FNDC3B: variants seen among roughly 807,000 people sequenced by gnomAD.
The protein encoded by FNDC3B is fibronectin type III domain-containing protein 3B.
FNDC3B carries 12 observed loss-of-function variants against 151.5 expected under a neutral mutation model. That is an observed-to-expected ratio of 0.08 (90% CI 0.05 to 0.13). The LOEUF (loss-of-function observed/expected upper bound fraction) is 0.13. Ranked by LOEUF, FNDC3B falls within the 10% of genes least tolerant of loss-of-function variation. The pLI is 1.00. For synonymous variants in FNDC3B, 528 were observed against 549.0 expected (o/e 0.96, Z 0.54); for missense variants, 1,214 against 1,505.3 (o/e 0.81, Z 3.20).
chr3:172,276,637 A>G (rs1431634713), intron 6 of FNDC3B, among the ~76,000 whole-genome samples: 1 of 152,238 alleles, frequency 6.6e-6, no homozygotes, highest in Non-Finnish European at 1.5e-5. Context: ...CAAGTGACCA[A>G]ACTGAGCATC....
Position 172,308,887 on chromosome 3 carries a change from A to G in FNDC3B, c.1200+1386A>G, listed in dbSNP as rs75393195. Among the ~76,000 whole-genome samples the G allele has an allele frequency of 2.5e-3, 382 of 152,310 alleles. 9 individuals are homozygous for G. In the East Asian group the frequency reaches 0.058, roughly 23 times the overall value. On this transcript the variant is annotated intron_variant, in intron 10 of 25. Transcript: ENST00000415807. ...AATATATCTTTGTAAGGAAAGAATTAAAATCCATTTTGTTTGGAAAATATA... is the reference window on the plus strand; with the variant it reads ...AATATATCTTTGTAAGGAAAGAATTGAAATCCATTTTGTTTGGAAAATATA...
At chr3:172,310,757 A>T in intron 10 of FNDC3B, 71 bp from the exon 11 acceptor site, 1 of 1,088,954 alleles carries the variant, frequency 9.2e-7, no homozygotes, top group Non-Finnish European at 1.4e-6. Flanking sequence ...ACTGTATGTG[A>T]GCCAGGTGGG....
intron 16 of FNDC3B, among the ~76,000 whole-genome samples, chr3:172,339,574 C>T (rs1426927547): frequency 6.6e-6 from 1 of 151,980 alleles, no homozygotes; most frequent in Non-Finnish European, 1.5e-5. Context: ...GAAGAAAAAA[C>T]AAAAAACAAA....
At chr3:172,368,039 G>C (rs1463445741) in intron 23 of FNDC3B, among the ~76,000 whole-genome samples, 1 of 152,116 alleles carries the variant, frequency 6.6e-6, no homozygotes, top group African/African-American at 2.4e-5. Context: ...AACCCTGAAA[G>C]AATACACACT....
chr3:172,086,130 G>T (rs1022317628), intron 1 of FNDC3B, among the ~76,000 whole-genome samples: 1 of 152,170 alleles, frequency 6.6e-6, no homozygotes, highest in Non-Finnish European at 1.5e-5. Context: ...GGAGACTGAG[G>T]TAGGAGGATC....
intron 6 of FNDC3B, among the ~76,000 whole-genome samples, chr3:172,261,509 G>A (rs1490910675): frequency 6.6e-6 from 1 of 152,170 alleles, no homozygotes; most frequent in Non-Finnish European, 1.5e-5. Flanking sequence ...TTCTGCCATG[G>A]TCAGCTGTGG....
chr3:172,188,349 G>A (rs891981431), intron 3 of FNDC3B, among the ~76,000 whole-genome samples: 3 of 151,932 alleles, frequency 2.0e-5, no homozygotes, highest in Non-Finnish European at 4.4e-5. Flanking sequence ...TTAGAGTGGT[G>A]GAACTGAAGT....
intron 3 of FNDC3B, among the ~76,000 whole-genome samples, chr3:172,156,102 T>C (rs1248375850): frequency 6.6e-6 from 1 of 152,222 alleles, no homozygotes; most frequent in Non-Finnish European, 1.5e-5. Flanking sequence ...TTTTGTGTGA[T>C]GGTAATGAGA....
chr3:172,269,708 A>G (rs1457086048), intron 6 of FNDC3B, among the ~76,000 whole-genome samples: 2 of 152,138 alleles, frequency 1.3e-5, no homozygotes, highest in Non-Finnish European at 2.9e-5. Flanking sequence ...GCAGTGGCAC[A>G]GTCTCGACTC....
At chr3:172,350,993 A>G (rs1733825007) in intron 21 of FNDC3B, among the ~76,000 whole-genome samples, 1 of 152,246 alleles carries the variant, frequency 6.6e-6, no homozygotes, top group Non-Finnish European at 1.5e-5. Flanking sequence ...TTTGTAAGAA[A>G]GAAAATCTTT....
intron 4 of FNDC3B, among the ~76,000 whole-genome samples, chr3:172,229,128 C>CACACAT (rs1156359959): frequency 6.3e-4 from 64 of 102,166 alleles, no homozygotes; most frequent in African/African-American, 1.9e-3. Flanking sequence ...CACACACACA[C>CACACAT]ACACACACAA....
chr3:172,107,498 C>G (rs1198193797), intron 1 of FNDC3B, among the ~76,000 whole-genome samples: 1 of 152,008 alleles, frequency 6.6e-6, no homozygotes, highest in Non-Finnish European at 1.5e-5. Context: ...TGTGGTACAG[C>G]CTTGACCAAA....
intron 10 of FNDC3B, 43 bp from the exon 11 acceptor site, chr3:172,310,785 C>G (rs376502412): frequency 2.7e-6 from 4 of 1,463,782 alleles, no homozygotes; most frequent in Non-Finnish European, 3.8e-6. Flanking sequence ...TAAGTTTTGT[C>G]TGTGAACAAC....
At chr3:172,257,566 TCATA>T (rs1260844431) in intron 6 of FNDC3B, among the ~76,000 whole-genome samples, 1 of 102,944 alleles carries the variant, frequency 9.7e-6, no homozygotes, top group East Asian at 2.4e-4. Context: ...TCACACGCAT[TCATA>T]CACACACACA....
chr3:172,368,048 C>G (rs1326053173), intron 23 of FNDC3B, among the ~76,000 whole-genome samples: 1 of 152,104 alleles, frequency 6.6e-6, no homozygotes, highest in Non-Finnish European at 1.5e-5. Flanking sequence ...AGAATACACA[C>G]TAGGCAACTA....
chr3:172,212,180 T>C (rs536515810), intron 3 of FNDC3B, among the ~76,000 whole-genome samples: 2 of 152,368 alleles, frequency 1.3e-5, no homozygotes, highest in African/African-American at 2.4e-5. Context: ...ATTATAGTCA[T>C]CTTTGCCAGC....
intron 3 of FNDC3B, among the ~76,000 whole-genome samples, chr3:172,187,909 G>C (rs542188357): frequency 6.6e-6 from 1 of 151,918 alleles, no homozygotes; most frequent in African/African-American, 2.4e-5. Flanking sequence ...TATAAGCCGC[G>C]GCCCAGCCTG....
At chr3:172,143,410 C>T (rs1158141971) in intron 3 of FNDC3B, among the ~76,000 whole-genome samples, 2 of 152,056 alleles carry the variant, frequency 1.3e-5, no homozygotes, top group East Asian at 3.8e-4. Flanking sequence ...ATGGGAATAC[C>T]TTAGAAAATG....
chr3:172,227,370 G>C (rs946155649), intron 4 of FNDC3B: 1 of 154,026 alleles, frequency 6.5e-6, no homozygotes, highest in Non-Finnish European at 1.4e-5. Context: ...GAGTTCAATT[G>C]CTCCACAATG....
Sources: gnomAD v4.1 joint callset for allele counts (sites outside exome capture counted in the v4.1 genomes callset) on GRCh38, gnomAD v4.1.1 for gene constraint, MANE v1.5 for transcripts, NCBI Gene and HGNC (gene_info 2026-07-23, HGNC 2026-07-21) for gene names.